The following RCL1 variants were observed in gnomAD, a reference collection of about 807,000 sequenced individuals.
RCL1 encodes RNA terminal phosphate cyclase like 1, also known as RNA 3'-terminal phosphate cyclase-like protein.
A neutral mutation model predicts 42.4 loss-of-function variants in RCL1; 24 were observed. The observed-to-expected ratio is 0.57, with a 90% CI of 0.41 to 0.80. RCL1 has a LOEUF of 0.80. Among genes scored for constraint, RCL1 ranks in the 30% least tolerant of loss-of-function variants. RCL1 has a pLI of 0.00. For synonymous variants in RCL1, 228 were observed against 177.3 expected (o/e 1.29, Z -2.27); for missense variants, 578 against 467.9 (o/e 1.24, Z -2.17).
chr9:4,845,915 A>G (rs932513976), intron 7 of RCL1, among the ~76,000 whole-genome samples: 3 of 152,206 alleles, frequency 2.0e-5, no homozygotes, highest in African/African-American at 7.2e-5. Flanking sequence ...CTGGTCTCCA[A>G]GTAAGTTTTC....
At chr9:4,814,985 G>C (rs954282254) in intron 1 of RCL1, among the ~76,000 whole-genome samples, 2 of 151,868 alleles carry the variant, frequency 1.3e-5, no homozygotes, top group Admixed American at 6.6e-5. Flanking sequence ...TGTTTTTAGT[G>C]TAATGGGGAT....
chr9:4,810,486 A>T (rs1303212891), intron 1 of RCL1, among the ~76,000 whole-genome samples: 1 of 152,142 alleles, frequency 6.6e-6, no homozygotes, highest in African/African-American at 2.4e-5. Context: ...TATTTGTGAC[A>T]TATCTCCGTG....
At chr9:4,832,688 G>T (rs1474501292) in intron 3 of RCL1, among the ~76,000 whole-genome samples, 1 of 151,064 alleles carries the variant, frequency 6.6e-6, no homozygotes, top group African/African-American at 2.4e-5. Flanking sequence ...CATGCCTGTA[G>T]TCCCAGCTAC....
At chr9:4,851,405 A>G (rs1412131503) in intron 8 of RCL1, among the ~76,000 whole-genome samples, 2 of 152,198 alleles carry the variant, frequency 1.3e-5, no homozygotes, top group African/African-American at 4.8e-5. Flanking sequence ...AAGACAGGTA[A>G]GGGAGTCTAT....
At chr9:4,833,612 T>C (rs954441167) in intron 4 of RCL1, among the ~76,000 whole-genome samples, 4 of 152,224 alleles carry the variant, frequency 2.6e-5, no homozygotes, top group African/African-American at 9.6e-5. Context: ...GCTCCCAACC[T>C]GGATGTCCCT....
At chr9:4,833,295 G>C (rs1013149609) in intron 4 of RCL1, 67 bp downstream of exon 4, 1 of 1,172,776 alleles carries the variant, frequency 8.5e-7, no homozygotes, top group Non-Finnish European at 1.3e-6. Context: ...CTCATTGGAA[G>C]AGCTGTGTGA....
At chr9:4,847,203 A>G (rs1474409169) in intron 7 of RCL1, among the ~76,000 whole-genome samples, 1 of 152,030 alleles carries the variant, frequency 6.6e-6, no homozygotes, top group Non-Finnish European at 1.5e-5. Flanking sequence ...GTTGAGATCT[A>G]CTTTCAGTCT....
Position 4,834,284 on chromosome 9 carries a change from T to G in RCL1, c.584+19T>G. On this transcript the variant is annotated intron_variant, in intron 5 of 8. Transcript: ENST00000381750. ...GAATGGCGTATCCTTTCCATTTATT[T>G]GGATTTCTTTTTTTTTTGTTGTTGT... is the stretch of plus-strand genomic sequence containing the variant. The G allele has an allele frequency of 6.3e-7, 1 of 1,597,900 alleles. No homozygotes were observed. Among genetic ancestry groups the G allele is most frequent in the Non-Finnish European group, 8.5e-7 (1 of 1,172,730 alleles).
chr9:4,842,078 G>A (rs978344613), intron 6 of RCL1, among the ~76,000 whole-genome samples: 2 of 152,212 alleles, frequency 1.3e-5, no homozygotes, highest in African/African-American at 4.8e-5. Flanking sequence ...TATAGTTAAC[G>A]ATAAATATTT....
At chr9:4,851,442 A>G (rs531943975) in intron 8 of RCL1, among the ~76,000 whole-genome samples, 1 of 152,214 alleles carries the variant, frequency 6.6e-6, no homozygotes, top group Non-Finnish European at 1.5e-5. Flanking sequence ...TCTGTTTCAT[A>G]CTCTTTCTGC....
chr9:4,857,428 G>T (rs370020425), intron 8 of RCL1, among the ~76,000 whole-genome samples: 14 of 150,554 alleles, frequency 9.3e-5, no homozygotes, highest in East Asian at 5.8e-4. Context: ...GATGTAGCAC[G>T]TATCAGTGCT....
At chr9:4,793,504 C>A (rs987829498) in intron 1 of RCL1, among the ~76,000 whole-genome samples, 1 of 152,252 alleles carries the variant, frequency 6.6e-6, no homozygotes, top group Non-Finnish European at 1.5e-5. Flanking sequence ...CGTGTAGCAA[C>A]AAATCCCTGG....
chr9:4,833,202 A>G lies in RCL1; in HGVS notation c.433A>G (p.Ile145Val). Reference sequence around the variant, plus strand: ...ACTCCCTTTGTTGAAACAATTTGGGATTGATGGTGAATCATTTGAACTGAA... The same window carrying G: ...ACTCCCTTTGTTGAAACAATTTGGGGTTGATGGTGAATCATTTGAACTGAA... The part of the protein sequence containing the change: ...TALPLLKQFG[I>V]DGESFELKIV... The change falls in exon 4 of 9, where the codon ATT (isoleucine) becomes GTT (valine). Residue 145 changes from isoleucine (I) to valine (V), a missense_variant. Physicochemically the swap from Ile to Val is conservative, Grantham distance 29. Coordinates refer to ENST00000381750, the MANE Select transcript of RCL1 (RefSeq NM_005772.5). 1 of 1,612,980 alleles carries G rather than the reference A, an allele frequency of 6.2e-7. No individual in the cohort carries two copies. The highest frequency in any genetic ancestry group is 8.5e-7 in the Non-Finnish European group (1 of 1,178,946).
intron 8 of RCL1, among the ~76,000 whole-genome samples, chr9:4,851,168 A>G (rs1817736159): frequency 6.6e-6 from 1 of 152,136 alleles, no homozygotes; most frequent in Non-Finnish European, 1.5e-5. Flanking sequence ...CTCACCAAAC[A>G]TTAATTGTAG....
intron 3 of RCL1, among the ~76,000 whole-genome samples, chr9:4,828,266 G>A (rs941626706): frequency 6.6e-6 from 1 of 151,944 alleles, no homozygotes; most frequent in African/African-American, 2.4e-5. Context: ...TGAATGGATA[G>A]CTTCTGAGGC....
intron 1 of RCL1, among the ~76,000 whole-genome samples, chr9:4,802,253 T>G (rs956534440): frequency 6.6e-6 from 1 of 152,124 alleles, no homozygotes; most frequent in African/African-American, 2.4e-5. Flanking sequence ...GATTACTTAC[T>G]GTAGCTGTCT....
intron 1 of RCL1, among the ~76,000 whole-genome samples, chr9:4,807,521 T>C (rs1478348101): frequency 6.6e-6 from 1 of 152,186 alleles, no homozygotes; most frequent in Admixed American, 6.6e-5. Flanking sequence ...ATGGTTATTT[T>C]TATTTTTATT....
chr9:4,796,314 T>C (rs975368573), intron 1 of RCL1, among the ~76,000 whole-genome samples: 2 of 152,220 alleles, frequency 1.3e-5, no homozygotes, highest in Admixed American at 6.5e-5. Context: ...CTCCCACTTA[T>C]AAGTAAGAAC....
At chr9:4,797,476 CT>C (rs1842930462) in intron 1 of RCL1, among the ~76,000 whole-genome samples, 1 of 152,128 alleles carries the variant, frequency 6.6e-6, no homozygotes, top group South Asian at 2.1e-4. Context: ...ACCAGGGGCA[CT>C]TTTGTTCAGT....
Sources: allele counts gnomAD v4.1 joint callset (sites outside exome capture counted in the v4.1 genomes callset), GRCh38; gene constraint gnomAD v4.1.1; transcripts MANE v1.5; gene names NCBI Gene and HGNC (gene_info 2026-07-23, HGNC 2026-07-21).